CNOT10: variants seen among roughly 807,000 people sequenced by gnomAD.
The protein encoded by CNOT10 is CCR4-NOT transcription complex, subunit 10.
Under a neutral mutation model 94.6 loss-of-function variants are expected in CNOT10, and 30 were observed. The ratio of observed to expected loss-of-function variants is 0.32; its 90% CI spans 0.24 to 0.43. CNOT10 has a LOEUF of 0.43. Among genes scored for constraint, CNOT10 ranks in the 20% least tolerant of loss-of-function variants. CNOT10 has a pLI of 1.00. For missense variants in CNOT10, 759 were observed against 877.2 expected, an observed-to-expected ratio of 0.87 and a Z score of 1.70; for synonymous variants, 289 against 301.6, an observed-to-expected ratio of 0.96 and a Z score of 0.43.
At chr3:32,753,645 A>C in intron 13 of CNOT10, 1 of 1,573,122 alleles carries the variant, frequency 6.4e-7, no homozygotes, top group Non-Finnish European at 8.7e-7. Flanking sequence ...ATCCATCATC[A>C]TCTCCTTATA....
At chr3:32,760,704 G>A (rs1428687945) in intron 14 of CNOT10, among the ~76,000 whole-genome samples, 2 of 152,118 alleles carry the variant, frequency 1.3e-5, no homozygotes, top group Non-Finnish European at 2.9e-5. Context: ...AAAGCCACGA[G>A]TATTCTGCAC....
At chr3:32,751,110 AT>A (rs955532108) in intron 13 of CNOT10, among the ~76,000 whole-genome samples, 2 of 148,590 alleles carry the variant, frequency 1.3e-5, no homozygotes, top group African/African-American at 2.5e-5. Context: ...TGAAAAAAAA[AT>A]TTTTTTTGAG....
chr3:32,700,662 C>CT (rs1452020874), intron 1 of CNOT10, among the ~76,000 whole-genome samples: 2 of 152,120 alleles, frequency 1.3e-5, no homozygotes, highest in African/African-American at 4.8e-5. Context: ...CTTTGGAGGT[C>CT]TTTGAGTTTC....
intron 3 of CNOT10, among the ~76,000 whole-genome samples, chr3:32,708,159 A>G (rs1478067282): frequency 6.6e-6 from 1 of 152,106 alleles, no homozygotes; most frequent in Non-Finnish European, 1.5e-5. Context: ...CGGCCTCCCA[A>G]AGTGCTGGGA....
chr3:32,754,338 A>G (rs578043216), intron 13 of CNOT10, among the ~76,000 whole-genome samples: 165 of 145,984 alleles, frequency 1.1e-3, no homozygotes, highest in African/African-American at 3.5e-3. Context: ...TTAGCTGGGC[A>G]TGGTGGCGGG....
intron 3 of CNOT10, among the ~76,000 whole-genome samples, chr3:32,707,610 C>T (rs1253627517): frequency 6.6e-6 from 1 of 152,070 alleles, no homozygotes. Flanking sequence ...TCAAGACCAG[C>T]CTGGCCAACA....
chr3:32,743,135 G>A (rs570389859), intron 13 of CNOT10, among the ~76,000 whole-genome samples: 2 of 151,712 alleles, frequency 1.3e-5, no homozygotes, highest in Non-Finnish European at 2.9e-5. Context: ...ACAGGCATAC[G>A]CCACCATGCC....
intron 1 of CNOT10, chr3:32,695,574 G>T (rs1033454380): frequency 1.3e-6 from 2 of 1,529,174 alleles, no homozygotes; most frequent in South Asian, 1.2e-5. Context: ...TGAAAACGTG[G>T]TGCATTTCTT....
At chr3:32,715,925 C>T (rs1285400331) in intron 5 of CNOT10, 2 of 206,412 alleles carry the variant, frequency 9.7e-6, no homozygotes, top group African/African-American at 4.6e-5. Flanking sequence ...CCCACCTCAG[C>T]TTCCTGAGTA....
intron 16 of CNOT10, 48 bp downstream of exon 16, chr3:32,764,538 A>G: frequency 6.2e-7 from 1 of 1,606,674 alleles, no homozygotes; most frequent in Non-Finnish European, 8.5e-7. Context: ...CTGCATCCCA[A>G]AAATTTAGAT....
intron 3 of CNOT10, 58 bp downstream of exon 3, chr3:32,705,030 A>T (rs7429569): frequency 9.0e-7 from 1 of 1,109,964 alleles, no homozygotes; most frequent in Non-Finnish European, 1.2e-6. Flanking sequence ...AATTTATGAA[A>T]CACAAATAGT....
At chr3:32,689,153 G>A (rs1696749572) in intron 1 of CNOT10, among the ~76,000 whole-genome samples, 2 of 152,102 alleles carry the variant, frequency 1.3e-5, no homozygotes. Context: ...AGGAGTTTGA[G>A]ACCAGGCTGG....
At chr3:32,718,583 CA>C (rs368048572) in intron 7 of CNOT10, among the ~76,000 whole-genome samples, 4,105 of 73,922 alleles carry the variant, frequency 0.056, 56 homozygotes, top group African/African-American at 0.11. Flanking sequence ...GACTCATTCT[CA>C]AAAAAAAAAA....
At chr3:32,696,537 G>T (rs1047677599) in intron 1 of CNOT10, among the ~76,000 whole-genome samples, 9 of 152,194 alleles carry the variant, frequency 5.9e-5, no homozygotes, top group African/African-American at 2.2e-4. Context: ...TGTGAAATGT[G>T]TGTAGAAATG....
intron 13 of CNOT10, among the ~76,000 whole-genome samples, chr3:32,739,126 G>C (rs541897911): frequency 2.0e-5 from 3 of 151,936 alleles, no homozygotes; most frequent in African/African-American, 7.2e-5. Context: ...GGCTGGTCTC[G>C]AACTCCTGAC....
At chr3:32,767,240 C>G (rs765105776) in intron 17 of CNOT10, among the ~76,000 whole-genome samples, 7 of 152,122 alleles carry the variant, frequency 4.6e-5, no homozygotes, top group African/African-American at 7.2e-5. Flanking sequence ...GGCTTTCAGC[C>G]GGGCGCAGTG....
chr3:32,771,370 A>T (rs1052551619), intron 18 of CNOT10, among the ~76,000 whole-genome samples: 3 of 152,046 alleles, frequency 2.0e-5, no homozygotes, highest in African/African-American at 7.2e-5. Flanking sequence ...GGAGGCCGAC[A>T]CGGGTGGATC....
intron 4 of CNOT10, among the ~76,000 whole-genome samples, chr3:32,710,703 A>G (rs182238054): frequency 3.5e-4 from 53 of 152,096 alleles, no homozygotes; most frequent in Non-Finnish European, 1.5e-4. Context: ...ACTTGGAATC[A>G]TAACTACTCA....
rs1324805751 is a variant in CNOT10 at position 32,708,553 on chromosome 3, T to C, written c.280-117T>C. 1.6e-5 allele frequency: 13 copies of C among 810,596 alleles called. No individual in the cohort carries two copies. In the East Asian group the frequency reaches 3.2e-4, roughly 20 times the overall value. The allele number at this position is 810,596 out of a possible 1,614,324, so 50.2% of individuals were successfully genotyped here. On this transcript the variant is annotated intron_variant, in intron 3 of 18. Transcript: ENST00000328834. ...AAATCTAAAGATACTGTTGAAAGTA[T>C]GGAAAAATTCAGAATAAGAATGTTG...
Sources: allele counts gnomAD v4.1 joint callset (sites outside exome capture counted in the v4.1 genomes callset), GRCh38; gene constraint gnomAD v4.1.1; transcripts MANE v1.5; gene names NCBI Gene and HGNC (gene_info 2026-07-23, HGNC 2026-07-21).